Variants in DIPK1C observed in about 807,000 individuals in gnomAD.
The protein encoded by DIPK1C is familial non-conventional Alzheimer's dementia.
Under a neutral mutation model 28.0 loss-of-function variants are expected in DIPK1C, and 33 were observed. That is an observed-to-expected ratio of 1.18 (90% confidence interval 0.89 to 1.58). The LOEUF (loss-of-function observed/expected upper bound fraction) is 1.58, where lower values mean the gene tolerates loss of function less well. Among genes scored for constraint, DIPK1C ranks in the 40% most tolerant of loss-of-function variants. The pLI is 0.00. For missense variants in DIPK1C, 569 were observed against 568.5 expected (o/e 1.00, Z -0.01); for synonymous variants, 255 against 248.8 (o/e 1.02, Z -0.23).
chr18:74,448,308 G>C, intron 1 of DIPK1C, among the ~76,000 whole-genome samples: 1 of 151,886 alleles, frequency 6.6e-6, no homozygotes, highest in African/African-American at 2.4e-5. Flanking sequence ...AGCAAATAAA[G>C]GCCGCTCTTC....
At chr18:74,459,354 T>C (rs1427319499), upstream of DIPK1C, among the ~76,000 whole-genome samples, 1 of 152,252 alleles carries the variant, frequency 6.6e-6, no homozygotes. Context: ...CCCACTTCTT[T>C]TGGCATTTTA....
chr18:74,449,878 T>C (rs1255607801), intron 1 of DIPK1C, among the ~76,000 whole-genome samples: 1 of 152,234 alleles, frequency 6.6e-6, no homozygotes. Flanking sequence ...TGTCATTCTT[T>C]GGCTTTAACC....
intron 2 of DIPK1C, among the ~76,000 whole-genome samples, chr18:74,445,436 C>G (rs192435868): frequency 2.9e-4 from 44 of 152,348 alleles, no homozygotes; most frequent in African/African-American, 1.0e-3. Flanking sequence ...GGACAAAGCA[C>G]TGAGGGTAAG....
At chr18:74,440,772 G>A (rs1375450015) in intron 3 of DIPK1C, among the ~76,000 whole-genome samples, 2 of 152,206 alleles carry the variant, frequency 1.3e-5, no homozygotes, top group East Asian at 1.9e-4. Context: ...GGTTGGGATC[G>A]CAAGGCGGTG....
chr18:74,449,611 T>C (rs967860884), intron 1 of DIPK1C, among the ~76,000 whole-genome samples: 1 of 152,194 alleles, frequency 6.6e-6, no homozygotes, highest in Non-Finnish European at 1.5e-5. Flanking sequence ...GTATAATGCA[T>C]TGGGCGGGGA....
chr18:74,436,810 G>C, intron 3 of DIPK1C, 91 bp from the exon 4 acceptor site: 4 of 1,240,658 alleles, frequency 3.2e-6, no homozygotes, highest in Non-Finnish European at 4.4e-6. Context: ...ACAGATTTCA[G>C]CTTCTCTCCC....
In DIPK1C at chr18:74,435,538, C is replaced by T. The variant is rs1985968237; in HGVS notation, c.*963G>A. The T allele has an allele frequency of 6.6e-6, 1 of 152,184 alleles. No individual in the cohort carries two copies. The highest frequency in any genetic ancestry group is 2.1e-4 in the South Asian group (1 of 4,830). The allele number at this position is 152,184 out of a possible 1,614,324, so 9.4% of individuals were successfully genotyped here. A position where few individuals can be genotyped will look rare whatever the true frequency, so the allele number is the denominator to read the frequency against. On this transcript the variant is annotated 3_prime_UTR_variant, in exon 4 of 4. Coordinates refer to ENST00000343998, the MANE Select transcript of DIPK1C (RefSeq NM_001044369.3). ...AATGCAGACCTCAGCATTTGCTCTA[C>T]TTTAAATTTTCTCTGAAGGTGAAGA...
chr18:74,446,876 CAGCAGGCTGA>C lies in DIPK1C; in HGVS notation c.596_605del (p.Phe199CysfsTer4). On this transcript the variant is annotated frameshift_variant, in exon 2 of 4. Transcript: ENST00000343998. LOFTEE classifies it high-confidence loss of function. The stretch of plus-strand genomic sequence containing the variant: ...GCAGCACGTGTGGGCTCAGGTCCTG[CAGCAGGCTGA>C]AGTAGACGTACTCCTCCTGCTGCAG... 14 of 1,519,908 alleles carry C rather than the reference CAGCAGGCTGA, an allele frequency of 9.2e-6. No homozygotes were observed. Among genetic ancestry groups the C allele is most frequent in the Non-Finnish European group, 1.2e-5 (14 of 1,129,292 alleles). The allele number at this position is 1,519,908 out of a possible 1,614,324, so 94.2% of individuals were successfully genotyped here. A position where few individuals can be genotyped will look rare whatever the true frequency, so the allele number is the denominator to read the frequency against.
At chr18:74,461,605 G>A (rs1437895409), upstream of DIPK1C, among the ~76,000 whole-genome samples, 2 of 152,004 alleles carry the variant, frequency 1.3e-5, no homozygotes, top group African/African-American at 2.4e-5. Context: ...CTGGGCTCAA[G>A]CAATCCTCCT....
chr18:74,451,514 C>G (rs796440895), intron 1 of DIPK1C, among the ~76,000 whole-genome samples: 13 of 152,296 alleles, frequency 8.5e-5, no homozygotes, highest in African/African-American at 3.1e-4. Flanking sequence ...AAATACAAAT[C>G]TATACGAGAT....
At chr18:74,462,652 A>G (rs929792572), upstream of DIPK1C, among the ~76,000 whole-genome samples, 1 of 151,410 alleles carries the variant, frequency 6.6e-6, no homozygotes, top group Admixed American at 6.6e-5. Context: ...CTCATAGTAC[A>G]TATATGTTTT....
At chr18:74,441,928 C>T (rs773107507) in intron 3 of DIPK1C, 24 bp downstream of exon 3, 7 of 1,606,250 alleles carry the variant, frequency 4.4e-6, no homozygotes, top group Non-Finnish European at 6.0e-6. Flanking sequence ...CCTCTCCTCC[C>T]CCAGCCCTGG....
At chr18:74,442,591 A>G (rs1006799149) in intron 2 of DIPK1C, among the ~76,000 whole-genome samples, 1 of 152,148 alleles carries the variant, frequency 6.6e-6, no homozygotes, top group Non-Finnish European at 1.5e-5. Context: ...GGCCTCCCAA[A>G]GTGCTGGGAT....
intron 1 of DIPK1C, among the ~76,000 whole-genome samples, chr18:74,448,375 G>T (rs1159204033): frequency 6.6e-6 from 1 of 152,150 alleles, no homozygotes; most frequent in Non-Finnish European, 1.5e-5. Flanking sequence ...TCCTCTAAGG[G>T]CATGAGAAAT....
upstream of DIPK1C, among the ~76,000 whole-genome samples, chr18:74,462,557 G>C (rs1266739381): frequency 6.6e-6 from 1 of 151,772 alleles, no homozygotes; most frequent in East Asian, 1.9e-4. Flanking sequence ...ATTGTACACT[G>C]TGTACACAGT....
Position 74,448,145 on chromosome 18 carries a change from G to A in DIPK1C, c.199-862C>T, listed in dbSNP as rs553278617. On this transcript the variant is annotated intron_variant, in intron 1 of 3. Coordinates refer to ENST00000343998, the MANE Select transcript of DIPK1C (RefSeq NM_001044369.3). ...GATAATCCTGCCAGAGGCAGGGAAG[G>A]AAGAAGTGCAGAATGGAAGGAAGGA... 5.7e-4 allele frequency among the ~76,000 whole-genome samples: 87 copies of A among 152,322 alleles called. No homozygotes were observed. The South Asian group carries it at 9.3e-3, about 16-fold the overall frequency.
At chr18:74,446,500 T>C (rs1446986509) in intron 2 of DIPK1C, 106 bp downstream of exon 2, 9 of 1,134,358 alleles carry the variant, frequency 7.9e-6, no homozygotes, top group Non-Finnish European at 1.0e-5. Context: ...GAAGCAACAG[T>C]AGTTTGCTAA....
intron 3 of DIPK1C, among the ~76,000 whole-genome samples, chr18:74,440,308 A>C (rs1208689906): frequency 6.6e-6 from 1 of 152,192 alleles, no homozygotes; most frequent in African/African-American, 2.4e-5. Context: ...AGAAAATGTA[A>C]TTTCATTTCT....
Position 74,434,835 on chromosome 18 carries a change from C to T in DIPK1C, c.*1666G>A, listed in dbSNP as rs756010. The T allele has an allele frequency of 0.59, 89,939 of 152,124 alleles. 27,073 individuals are homozygous for T. The highest frequency in any genetic ancestry group is 0.7 in the Middle Eastern group (205 of 294). The allele number at this position is 152,124 out of a possible 1,614,324, so 9.4% of individuals were successfully genotyped here. On this transcript the variant is annotated 3_prime_UTR_variant, in exon 4 of 4. Transcript: ENST00000343998. ...ACAGGGTGACTGACATGGGTTTTTTCCTTCTTGCTAGAATACAATTGCAAA... is the reference window on the plus strand; with the variant it reads ...ACAGGGTGACTGACATGGGTTTTTTTCTTCTTGCTAGAATACAATTGCAAA...
Sources: allele counts gnomAD v4.1 joint callset (sites outside exome capture counted in the v4.1 genomes callset), GRCh38; gene constraint gnomAD v4.1.1; transcripts MANE v1.5; gene names NCBI Gene and HGNC (gene_info 2026-07-23, HGNC 2026-07-21).